GABRR1: variants seen among roughly 807,000 people sequenced by gnomAD.
GABRR1 encodes the protein gamma-aminobutyric acid type A receptor subunit rho1.
Under a neutral mutation model 55.5 loss-of-function variants are expected in GABRR1, and 59 were observed. The ratio of observed to expected loss-of-function variants is 1.06; its 90% CI spans 0.86 to 1.32. The LOEUF is 1.32. Among genes scored for constraint, GABRR1 ranks in the 40% most tolerant of loss-of-function variants. GABRR1 has a pLI of 0.00. For synonymous variants in GABRR1, 213 were observed against 226.0 expected, an observed-to-expected ratio of 0.94 and a Z score of 0.51; for missense variants, 602 against 619.1, an observed-to-expected ratio of 0.97 and a Z score of 0.29.
At chr6:89,185,822 A>G (rs535625960) in intron 6 of GABRR1, among the ~76,000 whole-genome samples, 1 of 152,356 alleles carries the variant, frequency 6.6e-6, no homozygotes, top group South Asian at 2.1e-4. Context: ...AATGGAGAGT[A>G]ATTTAGCCTT....
At chr6:89,213,753 T>C (rs986616326) in intron 1 of GABRR1, among the ~76,000 whole-genome samples, 1 of 152,234 alleles carries the variant, frequency 6.6e-6, no homozygotes, top group African/African-American at 2.4e-5. Flanking sequence ...TAGTATTCAG[T>C]ATATGCTTAC....
intron 9 of GABRR1, among the ~76,000 whole-genome samples, chr6:89,179,581 A>G (rs915743850): frequency 6.6e-6 from 1 of 152,244 alleles, no homozygotes; most frequent in African/African-American, 2.4e-5. Context: ...TCACAGTGCC[A>G]TACCAAAGAC....
intron 1 of GABRR1, among the ~76,000 whole-genome samples, chr6:89,213,891 T>C (rs1013731168): frequency 6.6e-6 from 1 of 152,262 alleles, no homozygotes; most frequent in African/African-American, 2.4e-5. Context: ...ATAATAGTTA[T>C]ATGTGTCTTT....
At chr6:89,181,772 A>T in intron 8 of GABRR1, 133 bp downstream of exon 8, 1 of 865,792 alleles carries the variant, frequency 1.2e-6, no homozygotes, top group Non-Finnish European at 1.7e-6. Flanking sequence ...TAAATAAATA[A>T]CTCTTGAGTT....
At chr6:89,218,739 G>A (rs1291612916), upstream of GABRR1, among the ~76,000 whole-genome samples, 3 of 152,208 alleles carry the variant, frequency 2.0e-5, no homozygotes, top group African/African-American at 7.2e-5. Context: ...AGGAATAAAG[G>A]TTGGCTGTAC....
chr6:89,221,863 G>T (rs282113), upstream of GABRR1, among the ~76,000 whole-genome samples: 1 of 152,102 alleles, frequency 6.6e-6, no homozygotes, highest in Non-Finnish European at 1.5e-5. Flanking sequence ...TTTACTCACT[G>T]TATCGTCAAG....
chr6:89,183,702 G>A (rs1413899184), intron 7 of GABRR1, among the ~76,000 whole-genome samples: 2 of 151,594 alleles, frequency 1.3e-5, no homozygotes, highest in African/African-American at 4.9e-5. Flanking sequence ...ATGAAATAAT[G>A]TCTTTTGCAG....
At chr6:89,204,374 G>A (rs1302361017) in intron 1 of GABRR1, among the ~76,000 whole-genome samples, 4 of 152,220 alleles carry the variant, frequency 2.6e-5, no homozygotes, top group East Asian at 1.9e-4. Flanking sequence ...CGCTTCAGGC[G>A]ATGGGCCATC....
At chr6:89,183,747 T>A (rs1185266349) in intron 7 of GABRR1, among the ~76,000 whole-genome samples, 1 of 150,776 alleles carries the variant, frequency 6.6e-6, no homozygotes. Flanking sequence ...TTATTCTAGG[T>A]GAAATAACTC....
At chr6:89,202,294 T>C (rs189485899) in intron 2 of GABRR1, among the ~76,000 whole-genome samples, 9 of 152,152 alleles carry the variant, frequency 5.9e-5, no homozygotes, top group Non-Finnish European at 1.3e-4. Context: ...TTTGTTTGTT[T>C]GTTTGTTTGT....
At chr6:89,196,881 G>GAAAGAAAGAA (rs57085890) in intron 5 of GABRR1, among the ~76,000 whole-genome samples, 2,880 of 95,094 alleles carry the variant, frequency 0.03, 67 homozygotes, top group African/African-American at 0.036. Context: ...GAAAGAAAGA[G>GAAAGAAAGAA]AAGAGAAGAA....
chr6:89,225,089 G>T (rs1221597417), intron 1 of GABRR1, among the ~76,000 whole-genome samples: 2 of 152,210 alleles, frequency 1.3e-5, no homozygotes, highest in East Asian at 3.9e-4. Context: ...CCATCTTCTA[G>T]AATTTTTACA....
intron 1 of GABRR1, among the ~76,000 whole-genome samples, chr6:89,213,818 T>C (rs1039341233): frequency 1.1e-5 from 1 of 92,150 alleles, no homozygotes; most frequent in African/African-American, 4.5e-5. Context: ...CTTCTGGGCT[T>C]GGAGATTATG....
chr6:89,193,449 C>T (rs1380245574), intron 5 of GABRR1, among the ~76,000 whole-genome samples: 49 of 152,086 alleles, frequency 3.2e-4, no homozygotes. Flanking sequence ...GAGAAATCAA[C>T]TCATCTGCTT....
Position 89,178,689 on chromosome 6 carries a change from T to C in GABRR1, c.*81A>G. 7.8e-7 allele frequency: 1 copy of C among 1,274,084 alleles called. No individual in the cohort carries two copies. The highest frequency in any genetic ancestry group is 2.4e-5 in the East Asian group (1 of 42,146). 78.9% of individuals were successfully genotyped at this position (1,274,084 alleles called of 1,614,324 possible). A position where few individuals can be genotyped will look rare whatever the true frequency, so the allele number is the denominator to read the frequency against. On this transcript the variant is annotated 3_prime_UTR_variant, in exon 10 of 10. Coordinates refer to ENST00000454853, the MANE Select transcript of GABRR1 (RefSeq NM_002042.5). ...GGGTCCTGGGATTTTTTTTTAACCA[T>C]ATCCTTAAATACTTTTTCATTATAC...
chr6:89,188,630 A>G (rs1017596121), intron 6 of GABRR1, among the ~76,000 whole-genome samples: 1 of 151,092 alleles, frequency 6.6e-6, no homozygotes, highest in Non-Finnish European at 1.5e-5. Context: ...GTTGAGTTTT[A>G]GCTGTTCTCT....
At chr6:89,180,197 A>T (rs1582371123) in intron 9 of GABRR1, 95 bp downstream of exon 9, 1 of 1,350,880 alleles carries the variant, frequency 7.4e-7, no homozygotes, top group African/African-American at 1.5e-5. Context: ...GGGTATCATG[A>T]CCTTGCTTTA....
At chr6:89,228,838 A>C (rs995181128) in intron 1 of GABRR1, among the ~76,000 whole-genome samples, 2 of 151,960 alleles carry the variant, frequency 1.3e-5, no homozygotes, top group Non-Finnish European at 2.9e-5. Context: ...TTCTGTCTCA[A>C]TCTGTCTAAT....
At chr6:89,182,896 TTA>T (rs1030027670) in intron 7 of GABRR1, among the ~76,000 whole-genome samples, 7 of 151,462 alleles carry the variant, frequency 4.6e-5, no homozygotes, top group Non-Finnish European at 7.4e-5. Context: ...AAAAATAATT[TTA>T]TATATATATA....
Sources: allele counts gnomAD v4.1 joint callset (sites outside exome capture counted in the v4.1 genomes callset), GRCh38; gene constraint gnomAD v4.1.1; transcripts MANE v1.5; gene names NCBI Gene and HGNC (gene_info 2026-07-23, HGNC 2026-07-21).